Variants in ZNF215 observed in about 807,000 individuals in gnomAD.
ZNF215 encodes the protein BWSCR2-associated zinc finger protein 2.
Under a neutral mutation model 27.2 loss-of-function variants are expected in ZNF215, and 24 were observed. The ratio of observed to expected loss-of-function variants is 0.88; its 90% confidence interval spans 0.64 to 1.24. The LOEUF is 1.24. Among genes scored for constraint, ZNF215 ranks in the 50% most tolerant of loss-of-function variants. ZNF215 has a pLI of 0.00. For missense variants in ZNF215, 675 were observed against 605.7 expected (o/e 1.11, Z -1.20); for synonymous variants, 210 against 204.0 (o/e 1.03, Z -0.25).
chr11:6,958,329 A>G (rs1157633883), downstream of ZNF215, among the ~76,000 whole-genome samples: 1 of 152,344 alleles, frequency 6.6e-6, no homozygotes, highest in East Asian at 1.9e-4. Flanking sequence ...AGATAGAAGT[A>G]CTATTTTCAC....
In ZNF215 at chr11:6,956,857, C is replaced by T; in HGVS notation, c.*326C>T. The T allele has an allele frequency of 9.7e-7, 1 of 1,027,206 alleles. No individual in the cohort carries two copies. The highest frequency in any genetic ancestry group is 1.2e-6 in the Non-Finnish European group (1 of 856,918). 63.6% of individuals were successfully genotyped at this position (1,027,206 alleles called of 1,614,324 possible). A position where few individuals can be genotyped will look rare whatever the true frequency, so the allele number is the denominator to read the frequency against. ...AATAGGTCTATAGCATACTAATATCCACCTGATTTATTGACGAAGTAGACA... is the reference window on the plus strand; with the variant it reads ...AATAGGTCTATAGCATACTAATATCTACCTGATTTATTGACGAAGTAGACA... On this transcript the variant is annotated 3_prime_UTR_variant, in exon 7 of 7. Transcript: ENST00000278319.
intron 3 of ZNF215, 29 bp from the exon 4 acceptor site, chr11:6,941,542 T>G (rs776879494): frequency 1.2e-6 from 2 of 1,601,436 alleles, no homozygotes; most frequent in Non-Finnish European, 1.7e-6. Flanking sequence ...AAAACTTGTC[T>G]CCCTAATATT....
chr11:6,936,162 A>G (rs141661580), intron 3 of ZNF215, among the ~76,000 whole-genome samples: 1 of 152,052 alleles, frequency 6.6e-6, no homozygotes, highest in Non-Finnish European at 1.5e-5. Context: ...TAGAACAAAG[A>G]TAAATGATGT....
At chr11:6,969,723 C>A (rs1357567072) in intron 5 of ZNF215, among the ~76,000 whole-genome samples, 1 of 152,066 alleles carries the variant, frequency 6.6e-6, no homozygotes, top group African/African-American at 2.4e-5. Context: ...TTGCAAAGAG[C>A]TTTAAACTAC....
intron 6 of ZNF215, 116 bp downstream of exon 6, chr11:6,943,757 C>A: frequency 1.2e-6 from 1 of 802,092 alleles, no homozygotes; most frequent in Non-Finnish European, 2.1e-6. Flanking sequence ...AAAACCTAAA[C>A]TTTGAGGGGG....
chr11:6,983,560 A>G (rs1851004443), intron 5 of ZNF215, among the ~76,000 whole-genome samples: 1 of 152,230 alleles, frequency 6.6e-6, no homozygotes, highest in Admixed American at 6.5e-5. Context: ...TTTACTTTTT[A>G]TAAGAATATA....
intron 3 of ZNF215, among the ~76,000 whole-genome samples, chr11:6,934,758 C>T (rs1410174877): frequency 1.3e-5 from 2 of 152,146 alleles, no homozygotes; most frequent in Non-Finnish European, 2.9e-5. Context: ...ATCTTAAGGT[C>T]CTTGACTTTA....
At chr11:6,979,150 A>G (rs1217458014) in intron 5 of ZNF215, among the ~76,000 whole-genome samples, 2 of 152,036 alleles carry the variant, frequency 1.3e-5, no homozygotes, top group East Asian at 1.9e-4. Flanking sequence ...CCAATTACCA[A>G]TTTATTGTCT....
At chr11:6,980,028 C>G (rs1263227586) in intron 5 of ZNF215, among the ~76,000 whole-genome samples, 3 of 152,026 alleles carry the variant, frequency 2.0e-5, no homozygotes, top group Non-Finnish European at 2.9e-5. Context: ...CAACACACAA[C>G]AAAATTTAAA....
chr11:6,965,918 G>A (rs535442527), intron 5 of ZNF215, among the ~76,000 whole-genome samples: 5 of 152,064 alleles, frequency 3.3e-5, no homozygotes, highest in African/African-American at 1.2e-4. Context: ...GACTAATGCT[G>A]GTATAATTAG....
chr11:6,940,716 A>AT, intron 3 of ZNF215, among the ~76,000 whole-genome samples: 1 of 152,230 alleles, frequency 6.6e-6, no homozygotes, highest in East Asian at 1.9e-4. Context: ...TGGTTTTAAG[A>AT]TTTTTGGGGG....
Position 6,932,224 on chromosome 11 carries a change from C to T in ZNF215, c.-49C>T, listed in dbSNP as rs747086448. ...CTTAGCTCAAGCCTGAGAATTACTG[C>T]AATCTAGTAAGGCGGATTTGAACTA... On this transcript the variant is annotated 5_prime_UTR_variant, in exon 3 of 7. Transcript: ENST00000278319. 3 of 1,576,258 alleles carry T rather than the reference C, an allele frequency of 1.9e-6. No individual in the cohort carries two copies. Among genetic ancestry groups the T allele is most frequent in the South Asian group, 1.2e-5 (1 of 84,184 alleles).
intron 5 of ZNF215, among the ~76,000 whole-genome samples, chr11:6,970,139 T>G (rs1276406817): frequency 6.6e-6 from 1 of 152,156 alleles, no homozygotes; most frequent in Non-Finnish European, 1.5e-5. Flanking sequence ...TTAAAACAAT[T>G]AAACCTCAAT....
intron 5 of ZNF215, among the ~76,000 whole-genome samples, chr11:6,983,615 T>G (rs529037355): frequency 4.5e-4 from 68 of 152,258 alleles, no homozygotes; most frequent in Non-Finnish European, 5.9e-5. Context: ...CTAAAATAAT[T>G]TTTAAAAACT....
chr11:6,938,227 G>A (rs1475424195), intron 3 of ZNF215, among the ~76,000 whole-genome samples: 1 of 151,984 alleles, frequency 6.6e-6, no homozygotes. Context: ...TGGCCAAAAA[G>A]TATAGGAATA....
downstream of ZNF215, among the ~76,000 whole-genome samples, chr11:6,989,190 C>T (rs1468761447): frequency 1.4e-5 from 2 of 145,738 alleles, no homozygotes; most frequent in Non-Finnish European, 3.0e-5. Flanking sequence ...TATGTTGGTG[C>T]AAAAGTAATT....
In ZNF215 at chr11:6,956,298, G is replaced by A. The variant is rs1214104441; in HGVS notation, c.1321G>A (p.Gly441Arg). 6.2e-7 allele frequency: 1 copy of A among 1,614,096 alleles called. No homozygotes were observed. The highest frequency in any genetic ancestry group is 1.7e-5 in the Admixed American group (1 of 60,016). Residue 441 changes from glycine (G) to arginine (R), a missense_variant, in exon 7 of 7, where the codon GGA (glycine) becomes AGA (arginine). Coordinates refer to ENST00000278319, the MANE Select transcript of ZNF215 (RefSeq NM_013250.4). ...EAKACTSNKC[G>R]KAFSKSEDSN... is the part of the protein sequence containing the mutation. ...AAAGGCCTGCACAAGCAATAAATGT[G>A]GAAAGGCCTTCAGTAAAAGTGAAGA...
At chr11:6,966,843 G>C (rs931192005) in intron 5 of ZNF215, among the ~76,000 whole-genome samples, 5 of 151,606 alleles carry the variant, frequency 3.3e-5, no homozygotes, top group Non-Finnish European at 7.4e-5. Context: ...TAAGTTCTGG[G>C]ATCCATGTGC....
At position 6,980,584 on chromosome 11, in the gene ZNF215, A is replaced by G. The variant is rs1011977219; in HGVS notation, c.806-3545A>G. On this transcript the variant is annotated intron_variant, in intron 5 of 5. Transcript: ENST00000529903. ...ATCAGCCAGTCATTTGAAAAATGAA[A>G]TTAAACTGATCTTAGTTTACTTTTT... Among the ~76,000 whole-genome samples the G allele has an allele frequency of 4.0e-5, 6 of 150,810 alleles. No individual in the cohort carries two copies. The Admixed American group carries it at 4.0e-4, about 10-fold the overall frequency.
Sources: gnomAD v4.1 joint callset for allele counts (sites outside exome capture counted in the v4.1 genomes callset) on GRCh38, gnomAD v4.1.1 for gene constraint, MANE v1.5 for transcripts, NCBI Gene and HGNC (gene_info 2026-07-23, HGNC 2026-07-21) for gene names.